The following SPINDOC variants were observed in gnomAD, a reference collection of about 807,000 sequenced individuals.
SPINDOC encodes spindlin interactor and repressor of chromatin-binding protein.
SPINDOC carries 13 observed loss-of-function variants against 30.7 expected under a neutral mutation model. The observed-to-expected ratio is 0.42, with a 90% CI of 0.28 to 0.67. The LOEUF (loss-of-function observed/expected upper bound fraction) is 0.67. Ranked by LOEUF, SPINDOC falls within the 30% of genes least tolerant of loss-of-function variation. The pLI is 0.22. For synonymous variants in SPINDOC, 228 were observed against 211.4 expected, an observed-to-expected ratio of 1.08 and a Z score of -0.68; for missense variants, 438 against 518.0, an observed-to-expected ratio of 0.85 and a Z score of 1.50.
chr11:63,815,929 A>G (rs2015327888), intron 1 of SPINDOC, among the ~76,000 whole-genome samples: 1 of 152,136 alleles, frequency 6.6e-6, no homozygotes, highest in Admixed American at 6.5e-5. Flanking sequence ...CACCACGCCC[A>G]GCTAATTTTG....
At chr11:63,825,913 A>G (rs767301798) in intron 5 of SPINDOC, among the ~76,000 whole-genome samples, 2 of 151,002 alleles carry the variant, frequency 1.3e-5, no homozygotes, top group African/African-American at 4.9e-5. Context: ...TGAAATCACC[A>G]TCTTCTGTTT....
chr11:63,827,388 C>T lies in SPINDOC; in HGVS notation c.*249C>T. On this transcript the variant is annotated 3_prime_UTR_variant, in exon 6 of 6. Transcript: ENST00000294244. ...CACTGGGCCTGTGGAGAACACCTACCCCAGTCCTTCGCTGACCCCCACCTC... is the reference window on the plus strand; with the variant it reads ...CACTGGGCCTGTGGAGAACACCTACTCCAGTCCTTCGCTGACCCCCACCTC... 1 of 599,836 alleles carries T rather than the reference C, an allele frequency of 1.7e-6. No homozygotes were observed. Among genetic ancestry groups the T allele is most frequent in the African/African-American group, 1.8e-5 (1 of 54,260 alleles). The allele number at this position is 599,836 out of a possible 1,614,324, so 37.2% of individuals were successfully genotyped here. A position where few individuals can be genotyped will look rare whatever the true frequency, so the allele number is the denominator to read the frequency against.
chr11:63,814,581 T>G (rs765080317), intron 1 of SPINDOC, among the ~76,000 whole-genome samples: 1 of 152,164 alleles, frequency 6.6e-6, no homozygotes, highest in Non-Finnish European at 1.5e-5. Context: ...AGACTTAATA[T>G]GCATGAAAAT....
Position 63,818,363 on chromosome 11 carries a change from C to T in SPINDOC, c.605C>T (p.Pro202Leu). The change falls in exon 3 of 6, where the codon CCT (proline) becomes CTT (leucine). Residue 202 changes from proline (P) to leucine (L), a missense_variant and splice_region_variant. Physicochemically the swap from Pro to Leu is moderately conservative, Grantham distance 98. Around this residue, in one of 3 missense-constraint regions of SPINDOC, gnomAD observed 300 missense variants for 332.8 expected, o/e 0.90. Coordinates refer to ENST00000294244, the MANE Select transcript of SPINDOC (RefSeq NM_138471.3). This position sits in a 1 kb window ranked among gnomAD's most constrained non-coding sequence, Gnocchi z 5.3. ...RPRGLRPLEL[P>L]AVPATEPGNK... is the part of the protein sequence containing the mutation. The stretch of plus-strand genomic sequence containing the variant: ...AGGGGACTCCGCCCCCTCGAGCTTC[C>T]TGGTTAGTCAACAGAGAAGCCAGTG... The T allele has an allele frequency of 6.2e-7, 1 of 1,613,692 alleles. No homozygotes were observed. The highest frequency in any genetic ancestry group is 8.5e-7 in the Non-Finnish European group (1 of 1,179,876).
At chr11:63,822,356 T>TAAAAAAAAAA (rs753315518) in intron 5 of SPINDOC, among the ~76,000 whole-genome samples, 1 of 58,816 alleles carries the variant, frequency 1.7e-5, no homozygotes, top group African/African-American at 5.4e-5. Flanking sequence ...CTAGACTGTC[T>TAAAAAAAAAA]AAAAAAAAAA....
chr11:63,819,604 C>G (rs2015454174), intron 5 of SPINDOC, among the ~76,000 whole-genome samples: 1 of 152,048 alleles, frequency 6.6e-6, no homozygotes, highest in South Asian at 2.1e-4. Flanking sequence ...TCAAGCGATT[C>G]TCCTGCCTCA....
rs2015688995 is a variant in SPINDOC, at chr11:63,827,641, C to T, written c.*502C>T. ...AAGCTGGGCCTGGGCACCCCATTCA[C>T]TCCCGTTCTCATTTACATCTGTTTT... On this transcript the variant is annotated 3_prime_UTR_variant, in exon 6 of 6. Coordinates refer to ENST00000294244, the MANE Select transcript of SPINDOC (RefSeq NM_138471.3). 2 of 172,596 alleles carry T rather than the reference C, an allele frequency of 1.2e-5. No homozygotes were observed. Among genetic ancestry groups the T allele is most frequent in the African/African-American group, 2.4e-5 (1 of 42,440 alleles). The allele number at this position is 172,596 out of a possible 1,614,324, so 10.7% of individuals were successfully genotyped here. A position where few individuals can be genotyped will look rare whatever the true frequency, so the allele number is the denominator to read the frequency against.
chr11:63,822,701 C>T (rs2015560983), intron 5 of SPINDOC: 4 of 1,288,614 alleles, frequency 3.1e-6, no homozygotes, highest in South Asian at 1.2e-5. Context: ...GAGCGTGTCC[C>T]GAGTCTCCTG....
Position 63,827,238 on chromosome 11 carries a change from G to T in SPINDOC, c.*99G>T, listed in dbSNP as rs996597287. ...GCTCACCCACCTGGTGGAGAGAGTA[G>T]AAACAGGTGCCAGGGCAGGAGGGGG... On this transcript the variant is annotated 3_prime_UTR_variant, in exon 6 of 6. Transcript: ENST00000294244. The T allele has an allele frequency of 2.4e-5, 37 of 1,522,102 alleles. No individual in the cohort carries two copies. The highest frequency in any genetic ancestry group is 3.2e-5 in the Non-Finnish European group (36 of 1,133,114). 94.3% of individuals were successfully genotyped at this position (1,522,102 alleles called of 1,614,324 possible). A position where few individuals can be genotyped will look rare whatever the true frequency, so the allele number is the denominator to read the frequency against.
At position 63,818,173 on chromosome 11, in the gene SPINDOC, T is replaced by A. The variant is rs753423609; in HGVS notation, c.457+39T>A. 1 of 1,613,250 alleles carries A rather than the reference T, an allele frequency of 6.2e-7. No homozygotes were observed. Among genetic ancestry groups the A allele is most frequent in the South Asian group, 1.1e-5 (1 of 91,076 alleles). On this transcript the variant is annotated intron_variant, in intron 2 of 5. Transcript: ENST00000294244. This position sits in a 1 kb window ranked among gnomAD's most constrained non-coding sequence, Gnocchi z 5.3. ...GGGCTGGCGAAGGGAGAAGTCGGAC[T>A]TGTTGGGGCACTAGAAGCTCATTGT...
chr11:63,814,091 C>A (rs1263652575), intron 1 of SPINDOC, among the ~76,000 whole-genome samples: 2 of 152,224 alleles, frequency 1.3e-5, no homozygotes, highest in African/African-American at 2.4e-5. Context: ...TCTTCCGGTG[C>A]CCAAGCGCCC....
chr11:63,819,566 G>A (rs1244529074), intron 5 of SPINDOC, among the ~76,000 whole-genome samples: 10 of 150,750 alleles, frequency 6.6e-5, no homozygotes, highest in Non-Finnish European at 1.2e-4. Context: ...GCGCGATCTC[G>A]GTTCAGTGCA....
chr11:63,827,117 C>T lies in SPINDOC; in HGVS notation c.1124C>T (p.Pro375Leu), dbSNP rs759151440. 2.2e-5 allele frequency: 32 copies of T among 1,436,506 alleles called. No individual in the cohort carries two copies. In the African/African-American group the frequency reaches 2.5e-4, roughly 11 times the overall value. 89.0% of individuals were successfully genotyped at this position (1,436,506 alleles called of 1,614,324 possible). The part of the protein sequence containing the change: ...SESSTTVAGK[P>L]EKGNGV ...TCCAGCACCACTGTGGCAGGGAAGC[C>T]GGAAAAAGGGAATGGAGTGTAAATT... Residue 375 changes from proline to leucine, a missense_variant, in exon 6 of 6, where the codon CCG becomes CTG. By Grantham distance (98) the Pro-to-Leu change is moderately conservative. Transcript: ENST00000294244.
intron 5 of SPINDOC, chr11:63,822,704 G>A: frequency 2.3e-6 from 3 of 1,288,548 alleles, no homozygotes; most frequent in Non-Finnish European, 3.0e-6. Flanking sequence ...CGTGTCCCGA[G>A]TCTCCTGGTC....
Position 63,827,311 on chromosome 11 carries a change from C to A in SPINDOC, c.*172C>A, listed in dbSNP as rs577080442. On this transcript the variant is annotated 3_prime_UTR_variant, in exon 6 of 6. Coordinates refer to ENST00000294244, the MANE Select transcript of SPINDOC (RefSeq NM_138471.3). ...TTCGGGGCACTGGAAAGTGTCTGTT[C>A]CTGGCCAGGCCTGAGGTCGGCGAGG... The A allele has an allele frequency of 1.6e-6, 2 of 1,252,050 alleles. No individual in the cohort carries two copies. Among genetic ancestry groups the A allele is most frequent in the South Asian group, 2.9e-5 (2 of 67,932 alleles). The allele number at this position is 1,252,050 out of a possible 1,614,324, so 77.6% of individuals were successfully genotyped here.
At position 63,818,278 on chromosome 11, in the gene SPINDOC, G is replaced by A; in HGVS notation, c.520G>A (p.Glu174Lys). The change falls in exon 3 of 6, where the codon GAA (glutamate) becomes AAA (lysine). Residue 174 changes from glutamate (E) to lysine (K), a missense_variant. Physicochemically the swap from Glu to Lys is moderately conservative, Grantham distance 56. Transcript: ENST00000294244. The surrounding 1 kb of genome is among the most constrained non-coding windows in gnomAD (Gnocchi z 5.3). Reference sequence around the variant, plus strand: ...CCCAGACGCTGCCAGAATGCCAGCCGAAATCGTCGTTCTCCTTGACTCTGA... The same window carrying A: ...CCCAGACGCTGCCAGAATGCCAGCCAAAATCGTCGTTCTCCTTGACTCTGA... ...ANPDAARMPA[E>K]IVVLLDSEDN... 1.2e-6 allele frequency: 2 copies of A among 1,613,922 alleles called. No homozygotes were observed. The highest frequency in any genetic ancestry group is 1.7e-6 in the Non-Finnish European group (2 of 1,179,996).
At position 63,818,216 on chromosome 11, in the gene SPINDOC, A is replaced by C. The variant is rs576870090; in HGVS notation, c.458A>C (p.Asp153Ala). The change falls in exon 3 of 6, where the codon GAC (aspartate) becomes GCC (alanine). Residue 153 changes from aspartate (D) to alanine (A), a missense_variant and splice_region_variant. Asp to Ala is a moderately radical substitution (Grantham distance 126). Coordinates refer to ENST00000294244, the MANE Select transcript of SPINDOC (RefSeq NM_138471.3). This position sits in a 1 kb window ranked among gnomAD's most constrained non-coding sequence, Gnocchi z 5.3. The stretch of plus-strand genomic sequence containing the variant: ...CTCATTGTGCTCTTGCTCCCTGCAG[A>C]CTCGGGCCAGGATGCCCACCCAGAC... ...RAEQPSPPNS[D>A]SGQDAHPDPD... is the part of the protein sequence containing the mutation. The C allele has an allele frequency of 3.1e-6, 5 of 1,613,954 alleles. No homozygotes were observed. In the East Asian group the frequency reaches 8.9e-5, roughly 29 times the overall value.
intron 5 of SPINDOC, among the ~76,000 whole-genome samples, chr11:63,825,444 T>G (rs2015632178): frequency 6.6e-6 from 1 of 152,208 alleles, no homozygotes; most frequent in African/African-American, 2.4e-5. Context: ...TCCTATCTCC[T>G]TTCCCTGGTG....
At chr11:63,819,409 C>G (rs1008158903) in intron 5 of SPINDOC, among the ~76,000 whole-genome samples, 1 of 150,572 alleles carries the variant, frequency 6.6e-6, no homozygotes, top group Admixed American at 6.7e-5. Context: ...CAGGGTTTTC[C>G]CATGTTGGCC....
Sources: gnomAD v4.1 joint callset for allele counts (sites outside exome capture counted in the v4.1 genomes callset) on GRCh38, gnomAD v4.1.1 for gene constraint, gnomAD v4.1.1 regional missense constraint, Gnocchi (gnomAD v3.1) non-coding constraint, MANE v1.5 for transcripts, NCBI Gene and HGNC (gene_info 2026-07-23, HGNC 2026-07-21) for gene names.